RTN3: variants seen among roughly 807,000 people sequenced by gnomAD.
RTN3 encodes the protein reticulon-3.
RTN3 carries 49 observed loss-of-function variants against 77.8 expected under a neutral mutation model. The ratio of observed to expected loss-of-function variants is 0.63; its 90% CI spans 0.50 to 0.80. RTN3 has a LOEUF of 0.80. RTN3 is among the 30% of genes least tolerant of loss of function. RTN3 has a pLI of 0.00. For missense variants in RTN3, 1,236 were observed against 1,211.9 expected (o/e 1.02, Z -0.29); for synonymous variants, 464 against 446.9 (o/e 1.04, Z -0.48).
chr11:63,715,241 AAAC>A (rs1189499451), intron 2 of RTN3, among the ~76,000 whole-genome samples: 1 of 152,218 alleles, frequency 6.6e-6, no homozygotes, highest in African/African-American at 2.4e-5. Context: ...CCAGTTTCTA[AAAC>A]AGTGTCTGAC....
intron 3 of RTN3, among the ~76,000 whole-genome samples, chr11:63,742,452 C>T (rs1339194789): frequency 1.3e-5 from 2 of 151,670 alleles, no homozygotes; most frequent in African/African-American, 4.8e-5. Context: ...TCGAGACCAG[C>T]CTGACCAACA....
intron 1 of RTN3, among the ~76,000 whole-genome samples, chr11:63,683,654 C>T (rs1405492145): frequency 6.6e-6 from 1 of 152,186 alleles, no homozygotes; most frequent in Non-Finnish European, 1.5e-5. Context: ...ATACCACAAC[C>T]TAATTGGCAC....
intron 2 of RTN3, among the ~76,000 whole-genome samples, chr11:63,712,153 G>A (rs1328198447): frequency 6.6e-6 from 1 of 152,206 alleles, no homozygotes; most frequent in African/African-American, 2.4e-5. Flanking sequence ...TGAATGGTAG[G>A]AGGGAAAGTG....
chr11:63,720,820 T>G lies in RTN3; in HGVS notation c.2318T>G (p.Val773Gly). ...QRDAELPSEEVLKQTFTFAPE... is the reference protein window; with the variant it reads ...QRDAELPSEEGLKQTFTFAPE... ...GACGCAGAATTGCCTTCTGAAGAAG[T>G]ACTGAAGCAAACTTTCACATTTGCT... is the stretch of plus-strand genomic sequence containing the variant. The change falls in exon 3 of 9, where the codon GTA becomes GGA. Residue 773 changes from valine to glycine, a missense_variant. Physicochemically the swap from Val to Gly is moderately radical, Grantham distance 109. This residue lies in a region of RTN3 where 1,056 missense variants were observed against 990.4 expected (regional missense o/e 1.07). Coordinates refer to ENST00000377819, the MANE Select transcript of RTN3 (RefSeq NM_001265589.2). 6.2e-7 allele frequency: 1 copy of G among 1,613,974 alleles called. No individual in the cohort carries two copies. Among genetic ancestry groups the G allele is most frequent in the Non-Finnish European group, 8.5e-7 (1 of 1,179,996 alleles).
intron 3 of RTN3, among the ~76,000 whole-genome samples, chr11:63,731,762 C>T (rs1167911936): frequency 6.6e-6 from 1 of 152,184 alleles, no homozygotes; most frequent in African/African-American, 2.4e-5. Flanking sequence ...AAACGATTCT[C>T]CTGCCTCAGC....
intron 1 of RTN3, chr11:63,698,874 A>G (rs1014352221): frequency 1.3e-5 from 2 of 157,674 alleles, no homozygotes; most frequent in Admixed American, 6.5e-5. Flanking sequence ...GTTAATTCCC[A>G]GATATTTATC....
At chr11:63,741,505 A>T (rs1254461857) in intron 3 of RTN3, among the ~76,000 whole-genome samples, 7 of 129,730 alleles carry the variant, frequency 5.4e-5, no homozygotes, top group African/African-American at 1.2e-4. Context: ...CCCAGCATTT[A>T]TTTTTTTTTT....
chr11:63,693,814 A>G (rs1242963551), intron 1 of RTN3, among the ~76,000 whole-genome samples: 1 of 152,128 alleles, frequency 6.6e-6, no homozygotes, highest in Non-Finnish European at 1.5e-5. Flanking sequence ...TGAATGCCAC[A>G]TTCTGGCATA....
At chr11:63,713,308 A>G (rs1590820649) in intron 2 of RTN3, among the ~76,000 whole-genome samples, 3 of 152,020 alleles carry the variant, frequency 2.0e-5, no homozygotes, top group East Asian at 3.9e-4. Flanking sequence ...ACCTCTTACC[A>G]TATATCGATT....
intron 1 of RTN3, among the ~76,000 whole-genome samples, chr11:63,691,900 T>A (rs1262109473): frequency 6.6e-6 from 1 of 152,154 alleles, no homozygotes; most frequent in South Asian, 2.1e-4. Flanking sequence ...GCAAGTTGGA[T>A]CATGTCACTT....
intron 7 of RTN3, among the ~76,000 whole-genome samples, chr11:63,755,732 G>A (rs1315353752): frequency 6.6e-6 from 1 of 151,434 alleles, no homozygotes; most frequent in East Asian, 1.9e-4. Flanking sequence ...GGCCGAGGTG[G>A]GTGGATCACG....
intron 3 of RTN3, among the ~76,000 whole-genome samples, chr11:63,747,595 A>C (rs1337255047): frequency 6.6e-6 from 1 of 152,226 alleles, no homozygotes; most frequent in Admixed American, 6.5e-5. Flanking sequence ...TGTTTTATTG[A>C]ATCAAGTTAA....
At chr11:63,737,367 T>C (rs942764788) in intron 3 of RTN3, among the ~76,000 whole-genome samples, 2 of 152,220 alleles carry the variant, frequency 1.3e-5, no homozygotes, top group Non-Finnish European at 2.9e-5. Context: ...CCCAGCACTT[T>C]GGGAGGCCAG....
chr11:63,751,208 C>T (rs982261075), intron 4 of RTN3, among the ~76,000 whole-genome samples: 3 of 152,324 alleles, frequency 2.0e-5, no homozygotes, highest in Non-Finnish European at 4.4e-5. Flanking sequence ...AAGCAGAGCA[C>T]CTAGAGCAGC....
At chr11:63,692,368 A>T (rs1005270006) in intron 1 of RTN3, among the ~76,000 whole-genome samples, 4 of 151,758 alleles carry the variant, frequency 2.6e-5, no homozygotes, top group African/African-American at 9.7e-5. Context: ...TCGGGGTTTT[A>T]TTTGCTGTTC....
At chr11:63,705,866 A>G (rs1942469746) in intron 2 of RTN3, among the ~76,000 whole-genome samples, 1 of 152,212 alleles carries the variant, frequency 6.6e-6, no homozygotes, top group South Asian at 2.1e-4. Flanking sequence ...AAGAAGCTGA[A>G]AGAGAGGGTA....
In RTN3 at chr11:63,720,238, A is replaced by C. The variant is rs1215312720; in HGVS notation, c.1736A>C (p.Glu579Ala). 1 of 1,614,134 alleles carries C rather than the reference A, an allele frequency of 6.2e-7. No individual in the cohort carries two copies. The change falls in exon 3 of 9, where the codon GAG (glutamate) becomes GCG (alanine). Residue 579 changes from glutamate (E) to alanine (A), a missense_variant. By Grantham distance (107) the Glu-to-Ala change is moderately radical. Transcript: ENST00000377819. ...ATTCTTGGAAGGAGTCCAGCTAGTGAGGCAGCATGTTCAAAAGTACCCGAT... is the reference window on the plus strand; with the variant it reads ...ATTCTTGGAAGGAGTCCAGCTAGTGCGGCAGCATGTTCAAAAGTACCCGAT... ...PDILGRSPASEAACSKVPDTN... is the reference protein window; with the variant it reads ...PDILGRSPASAAACSKVPDTN...
chr11:63,738,627 G>A, intron 3 of RTN3, among the ~76,000 whole-genome samples: 1 of 90,990 alleles, frequency 1.1e-5, no homozygotes, highest in Non-Finnish European at 2.4e-5. Flanking sequence ...GTGAGACCCT[G>A]TCTTTAAAAA....
At chr11:63,752,378 A>G in intron 4 of RTN3, 129 bp from the exon 5 acceptor site, 1 of 796,386 alleles carries the variant, frequency 1.3e-6, no homozygotes, top group Non-Finnish European at 2.0e-6. Flanking sequence ...CCACCTGATG[A>G]CAACAAAAAA....
Sources: gnomAD v4.1 joint callset for allele counts (sites outside exome capture counted in the v4.1 genomes callset) on GRCh38, gnomAD v4.1.1 for gene constraint, gnomAD v4.1.1 regional missense constraint, MANE v1.5 for transcripts, NCBI Gene and HGNC (gene_info 2026-07-23, HGNC 2026-07-21) for gene names.